Variants in NCKAP1 observed in about 807,000 individuals in gnomAD.
The protein encoded by NCKAP1 is NCK associated protein 1.
In NCKAP1, 21 loss-of-function variants were observed where a neutral mutation model predicts 151.2. That is an observed-to-expected ratio of 0.14 (90% CI 0.10 to 0.20). The LOEUF is 0.20. Ranked by LOEUF, NCKAP1 falls within the 10% of genes least tolerant of loss-of-function variation. The pLI is 1.00. For synonymous variants in NCKAP1, 484 were observed against 451.8 expected (o/e 1.07, Z -0.90); for missense variants, 933 against 1,352.1 (o/e 0.69, Z 4.86).
Position 182,976,968 on chromosome 2 carries a change from A to AC in NCKAP1, c.1424-18_1424-17insG, listed in dbSNP as rs752525737. On this transcript the variant is annotated splice_polypyrimidine_tract_variant and intron_variant, in intron 14 of 30. Coordinates refer to ENST00000361354, the MANE Select transcript of NCKAP1 (RefSeq NM_013436.5). ...CATCTTCAACTGTAGTAATAGAAAA[A>AC]AAAAAAAGATTACAAAGCAAATTAA... 1.4e-6 allele frequency: 2 copies of AC among 1,466,514 alleles called. 1 individual carries two copies. Among genetic ancestry groups the AC allele is most frequent in the South Asian group, 2.6e-5 (2 of 75,908 alleles). 90.8% of individuals were successfully genotyped at this position (1,466,514 alleles called of 1,614,324 possible).
intron 23 of NCKAP1, among the ~76,000 whole-genome samples, chr2:182,949,467 A>G (rs993294188): frequency 2.6e-5 from 4 of 152,228 alleles, no homozygotes; most frequent in African/African-American, 4.8e-5. Flanking sequence ...AGTTAATAAG[A>G]TAAGTGAAGA....
At chr2:182,976,142 A>G (rs1487734326) in intron 15 of NCKAP1, among the ~76,000 whole-genome samples, 1 of 152,164 alleles carries the variant, frequency 6.6e-6, no homozygotes, top group Non-Finnish European at 1.5e-5. Flanking sequence ...AAACATGCAC[A>G]TTATTGAGAA....
At position 182,915,381 on chromosome 2, in the gene NCKAP1, T is replaced by C. The variant is rs1575005109; in HGVS notation, c.*10321A>G. 6.6e-6 allele frequency: 1 copy of C among 152,222 alleles called. No individual in the cohort carries two copies. The highest frequency in any genetic ancestry group is 1.9e-4 in the East Asian group (1 of 5,198). 9.4% of individuals were successfully genotyped at this position (152,222 alleles called of 1,614,324 possible). The stretch of plus-strand genomic sequence containing the variant: ...CTTCAAACTACAGGCATGATATTCC[T>C]TCACTTGCCAGCAACCCTTGGACCT... On this transcript the variant is annotated 3_prime_UTR_variant, in exon 31 of 31. Transcript: ENST00000361354.
rs968540143 is a variant in NCKAP1 at position 182,918,658 on chromosome 2, A to G, written c.*7044T>C. On this transcript the variant is annotated 3_prime_UTR_variant, in exon 31 of 31. Coordinates refer to ENST00000361354, the MANE Select transcript of NCKAP1 (RefSeq NM_013436.5). ...TGTGTATGCAAAGGCATACAGAGTGATATCATGGACTTTGGAGACTCAGAA... is the reference window on the plus strand; with the variant it reads ...TGTGTATGCAAAGGCATACAGAGTGGTATCATGGACTTTGGAGACTCAGAA... The G allele has an allele frequency of 2.0e-5, 3 of 152,208 alleles. No individual in the cohort carries two copies. The highest frequency in any genetic ancestry group is 7.2e-5 in the African/African-American group (3 of 41,442). The allele number at this position is 152,208 out of a possible 1,614,324, so 9.4% of individuals were successfully genotyped here. A position where few individuals can be genotyped will look rare whatever the true frequency, so the allele number is the denominator to read the frequency against.
At chr2:182,987,036 G>A (rs1239387389) in intron 9 of NCKAP1, among the ~76,000 whole-genome samples, 3 of 152,280 alleles carry the variant, frequency 2.0e-5, no homozygotes, top group African/African-American at 7.2e-5. Context: ...GAGGGCAGGA[G>A]TTCAAGACCA....
intron 8 of NCKAP1, 36 bp from the exon 9 acceptor site, chr2:182,989,222 G>C (rs766257671): frequency 6.6e-7 from 1 of 1,524,730 alleles, no homozygotes; most frequent in South Asian, 1.2e-5. Context: ...AAATGTAAAT[G>C]TACAAGTATT....
Position 182,915,777 on chromosome 2 carries a change from A to C in NCKAP1, c.*9925T>G, listed in dbSNP as rs1453394878. 1 of 152,206 alleles carries C rather than the reference A, an allele frequency of 6.6e-6. No homozygotes were observed. Among genetic ancestry groups the C allele is most frequent in the African/African-American group, 2.4e-5 (1 of 41,458 alleles). 9.4% of individuals were successfully genotyped at this position (152,206 alleles called of 1,614,324 possible). A position where few individuals can be genotyped will look rare whatever the true frequency, so the allele number is the denominator to read the frequency against. On this transcript the variant is annotated 3_prime_UTR_variant, in exon 31 of 31. Transcript: ENST00000361354. ...TGACTCTAGCTAGGGGTGAGTCACC[A>C]GAATAAAATGATCATTTATTTCAGG...
Position 182,918,774 on chromosome 2 carries a change from C to A in NCKAP1, c.*6928G>T, listed in dbSNP as rs1275557850. The stretch of plus-strand genomic sequence containing the variant: ...GTGACAGGTACACTAAAACCTCAGA[C>A]TTCACCAATGTATGATTCATCCATG... On this transcript the variant is annotated 3_prime_UTR_variant, in exon 31 of 31. Coordinates refer to ENST00000361354, the MANE Select transcript of NCKAP1 (RefSeq NM_013436.5). 1 of 152,180 alleles carries A rather than the reference C, an allele frequency of 6.6e-6. No individual in the cohort carries two copies. Among genetic ancestry groups the A allele is most frequent in the African/African-American group, 2.4e-5 (1 of 41,440 alleles). 9.4% of individuals were successfully genotyped at this position (152,180 alleles called of 1,614,324 possible).
intron 2 of NCKAP1, among the ~76,000 whole-genome samples, chr2:183,003,657 TG>T (rs969625989): frequency 3.2e-4 from 49 of 151,742 alleles, no homozygotes; most frequent in Non-Finnish European, 7.4e-5. Flanking sequence ...TTACTAGAAG[TG>T]GGAGAAAAGA....
intron 18 of NCKAP1, among the ~76,000 whole-genome samples, chr2:182,961,188 T>C (rs1420801493): frequency 6.6e-6 from 1 of 152,130 alleles, no homozygotes; most frequent in Non-Finnish European, 1.5e-5. Flanking sequence ...TCCTCAAGGA[T>C]CTAGAACTAG....
In NCKAP1 at chr2:182,917,756, T is replaced by C. The variant is rs1185482751; in HGVS notation, c.*7946A>G. The C allele has an allele frequency of 2.0e-5, 3 of 152,220 alleles. No homozygotes were observed. Among genetic ancestry groups the C allele is most frequent in the South Asian group, 2.1e-4 (1 of 4,830 alleles). 9.4% of individuals were successfully genotyped at this position (152,220 alleles called of 1,614,324 possible). A position where few individuals can be genotyped will look rare whatever the true frequency, so the allele number is the denominator to read the frequency against. On this transcript the variant is annotated 3_prime_UTR_variant, in exon 31 of 31. Transcript: ENST00000361354. ...CATAGAGAGTAAGTACTGTGTGAGC[T>C]TGAGATTTAAAACTAAAACAAATAT...
intron 2 of NCKAP1, among the ~76,000 whole-genome samples, chr2:183,021,728 C>G (rs1476744270): frequency 1.3e-5 from 2 of 152,154 alleles, no homozygotes; most frequent in South Asian, 2.1e-4. Flanking sequence ...CTGATGAAAT[C>G]TTCAGAATAG....
chr2:182,979,460 A>G (rs1408562531), intron 13 of NCKAP1, among the ~76,000 whole-genome samples: 1 of 152,134 alleles, frequency 6.6e-6, no homozygotes, highest in Non-Finnish European at 1.5e-5. Flanking sequence ...TATTTGATAA[A>G]CTGTATTTAA....
chr2:183,017,217 G>C (rs1386505261), intron 2 of NCKAP1, among the ~76,000 whole-genome samples: 2 of 152,152 alleles, frequency 1.3e-5, no homozygotes, highest in African/African-American at 4.8e-5. Flanking sequence ...TACTGGGGCG[G>C]AGGGGTGGAG....
At chr2:183,002,084 T>C (rs2105875226) in intron 5 of NCKAP1, 41 bp from the exon 6 acceptor site, 1 of 1,612,438 alleles carries the variant, frequency 6.2e-7, no homozygotes, top group Non-Finnish European at 8.5e-7. Context: ...TTGTAATCCA[T>C]CAAACTGAGC....
Position 183,033,010 on chromosome 2 carries a change from T to C in NCKAP1, c.108+4982A>G, listed in dbSNP as rs548006185. On this transcript the variant is annotated intron_variant, in intron 1 of 30. Coordinates refer to ENST00000361354, the MANE Select transcript of NCKAP1 (RefSeq NM_013436.5). ...GCTGCAGTGAGCTGAGATCGTGCCATTGTACTCCAGCTTGTATGACAGAGC... is the reference window on the plus strand; with the variant it reads ...GCTGCAGTGAGCTGAGATCGTGCCACTGTACTCCAGCTTGTATGACAGAGC... 5.3e-5 allele frequency among the ~76,000 whole-genome samples: 8 copies of C among 152,176 alleles called. No homozygotes were observed. In the East Asian group the frequency reaches 5.8e-4, roughly 11 times the overall value.
intron 6 of NCKAP1, among the ~76,000 whole-genome samples, chr2:182,997,777 T>C (rs1336138242): frequency 2.0e-5 from 3 of 152,138 alleles, no homozygotes; most frequent in Non-Finnish European, 4.4e-5. Flanking sequence ...TACAATCCTA[T>C]TGAAACTATT....
chr2:183,018,465 G>A (rs1698736486), intron 2 of NCKAP1, among the ~76,000 whole-genome samples: 1 of 152,004 alleles, frequency 6.6e-6, no homozygotes, highest in African/African-American at 2.4e-5. Context: ...TATGCCTACT[G>A]TTTCCTTCTA....
intron 16 of NCKAP1, among the ~76,000 whole-genome samples, chr2:182,966,192 C>T (rs773151421): frequency 1.3e-5 from 2 of 151,806 alleles, no homozygotes; most frequent in African/African-American, 2.4e-5. Context: ...AGTCCTCTTC[C>T]CTAAAGGAAA....
Sources: allele counts gnomAD v4.1 joint callset (sites outside exome capture counted in the v4.1 genomes callset), GRCh38; gene constraint gnomAD v4.1.1; transcripts MANE v1.5; gene names NCBI Gene and HGNC (gene_info 2026-07-23, HGNC 2026-07-21).